Variants in ATRIP observed in about 807,000 individuals in gnomAD.
The protein encoded by ATRIP is ATR interacting protein.
Under a neutral mutation model 78.1 loss-of-function variants are expected in ATRIP, and 44 were observed. The observed-to-expected ratio is 0.56, with a 90% CI of 0.44 to 0.72. The LOEUF is 0.72. Among genes scored for constraint, ATRIP ranks in the 30% least tolerant of loss-of-function variants. The pLI, the probability that ATRIP is intolerant of heterozygous loss-of-function variation, is 0.00. For missense variants in ATRIP, 927 were observed against 980.2 expected (o/e 0.95, Z 0.72); for synonymous variants, 388 against 408.9 (o/e 0.95, Z 0.62).
intron 1 of ATRIP, among the ~76,000 whole-genome samples, chr3:48,447,757 T>G (rs929899359): frequency 3.9e-5 from 6 of 152,246 alleles, no homozygotes; most frequent in Admixed American, 3.3e-4. Context: ...CTCAACACGA[T>G]CATTTCCTGG....
intron 10 of ATRIP, 49 bp downstream of exon 10, chr3:48,464,181 G>A: frequency 7.0e-7 from 1 of 1,438,384 alleles, no homozygotes; most frequent in Non-Finnish European, 9.8e-7. Context: ...CCCATCCTAA[G>A]AACCAACAGA....
At chr3:48,464,444 T>C in intron 10 of ATRIP, 138 bp from the exon 11 acceptor site, 2 of 1,011,804 alleles carry the variant, frequency 2.0e-6, no homozygotes, top group Non-Finnish European at 3.0e-6. Flanking sequence ...CCTGGGAAGG[T>C]CCCACACCAC....
rs140833802 is a variant in ATRIP, at chr3:48,466,958, T to C, written c.*1404T>C. On this transcript the variant is annotated 3_prime_UTR_variant, in exon 13 of 13. Transcript: ENST00000320211. ...CAGCGCATGGGCGTCAATGTTTTGA[T>C]GACAACCTGGCCAACCTGCTCCTAG... The C allele has an allele frequency of 4.0e-5, 65 of 1,612,128 alleles. No individual in the cohort carries two copies. Among genetic ancestry groups the C allele is most frequent in the Non-Finnish European group, 4.7e-5 (56 of 1,180,044 alleles).
Position 48,467,559 on chromosome 3 carries a change from G to A in ATRIP, c.*2005G>A, listed in dbSNP as rs1472792293. ...GCTGGCCATCCTGACCTTGGCAGTA[G>A]CCACACTGTATGGACTATCCCTGGC... On this transcript the variant is annotated 3_prime_UTR_variant, in exon 13 of 13. Transcript: ENST00000320211. The A allele has an allele frequency of 5.0e-6, 8 of 1,613,836 alleles. No individual in the cohort carries two copies. Among genetic ancestry groups the A allele is most frequent in the Non-Finnish European group, 6.8e-6 (8 of 1,179,956 alleles).
intron 2 of ATRIP, chr3:48,450,436 G>C (rs538250510): frequency 8.9e-7 from 1 of 1,124,316 alleles, no homozygotes; most frequent in South Asian, 1.3e-5. Context: ...TGAATTTATA[G>C]CATGTATCTT....
chr3:48,465,713 C>G lies in ATRIP; in HGVS notation c.*159C>G. ...CGGAGTGGGAGGGGTGGAGCAGGAC[C>G]CGGACCCTGAGTGGCTGGGATCCTT... is the stretch of plus-strand genomic sequence containing the variant. On this transcript the variant is annotated 3_prime_UTR_variant, in exon 13 of 13. Transcript: ENST00000320211. The G allele has an allele frequency of 2.9e-6, 2 of 685,790 alleles. No homozygotes were observed. The highest frequency in any genetic ancestry group is 3.6e-5 in the South Asian group (2 of 55,744). 42.5% of individuals were successfully genotyped at this position (685,790 alleles called of 1,614,324 possible).
intron 2 of ATRIP, 50 bp from the exon 3 acceptor site, chr3:48,451,679 A>T: frequency 6.7e-7 from 1 of 1,490,412 alleles, no homozygotes. Flanking sequence ...CAAAGTACCT[A>T]AGTAGTTTTC....
At position 48,446,821 on chromosome 3, in the gene ATRIP, C is replaced by T; in HGVS notation, c.-25C>T. 5 of 1,386,118 alleles carry T rather than the reference C, an allele frequency of 3.6e-6. No individual in the cohort carries two copies. The highest frequency in any genetic ancestry group is 4.7e-6 in the Non-Finnish European group (5 of 1,069,132). 85.9% of individuals were successfully genotyped at this position (1,386,118 alleles called of 1,614,324 possible). On this transcript the variant is annotated 5_prime_UTR_variant, in exon 1 of 13. Transcript: ENST00000320211. ...GCAGGCAAGTCTAGCTCGGCGCTGT[C>T]GGATACTTGGGGTGAGCGGAAAGCA... is the stretch of plus-strand genomic sequence containing the variant.
intron 4 of ATRIP, among the ~76,000 whole-genome samples, chr3:48,455,499 T>G (rs1263772304): frequency 1.3e-5 from 2 of 151,026 alleles, no homozygotes; most frequent in Non-Finnish European, 3.0e-5. Flanking sequence ...TTGGAAGTCT[T>G]TTTTTTTTGA....
rs200223802 is a variant in ATRIP at position 48,460,455 on chromosome 3, A to G, written c.1401A>G (p.Ser467=). ...SSGVETNPED[S]VCILEGFSVT... ...GGGTAGAGACCAACCCTGAGGACTC[A>G]GTGTGCATCCTGGAAGGCTTCTCTG... Residue 467 remains serine (S), a synonymous_variant, in exon 8 of 13, where the codon TCA becomes TCG. Transcript: ENST00000320211. 1.2e-6 allele frequency: 2 copies of G among 1,611,148 alleles called. No individual in the cohort carries two copies. The highest frequency in any genetic ancestry group is 1.3e-5 in the African/African-American group (1 of 74,984).
intron 3 of ATRIP, 91 bp from the exon 4 acceptor site, chr3:48,454,209 T>C (rs1270714034): frequency 1.4e-6 from 1 of 726,928 alleles, no homozygotes. Context: ...TTTTTCATTG[T>C]TTGTCTTTTA....
In ATRIP at chr3:48,465,353, G is replaced by A. The variant is rs936150402; in HGVS notation, c.2309-134G>A. ...TTGCCTTTGTATCACTTTGTTTGCA[G>A]TAGCTGAGGGAGCAGGGCCTGGGTG... On this transcript the variant is annotated intron_variant, in intron 12 of 12. Transcript: ENST00000320211. 8.4e-6 allele frequency: 8 copies of A among 948,190 alleles called. No homozygotes were observed. The African/African-American group carries it at 1.3e-4, about 16-fold the overall frequency. 58.7% of individuals were successfully genotyped at this position (948,190 alleles called of 1,614,324 possible). A position where few individuals can be genotyped will look rare whatever the true frequency, so the allele number is the denominator to read the frequency against.
Position 48,446,777 on chromosome 3 carries a change from C to T in ATRIP, c.-69C>T, listed in dbSNP as rs140238210. 897 of 1,349,118 alleles carry T rather than the reference C, an allele frequency of 6.6e-4. 2 individuals carry two copies. Among genetic ancestry groups the T allele is most frequent in the Non-Finnish European group, 7.8e-4 (818 of 1,049,082 alleles). The allele number at this position is 1,349,118 out of a possible 1,614,324, so 83.6% of individuals were successfully genotyped here. A position where few individuals can be genotyped will look rare whatever the true frequency, so the allele number is the denominator to read the frequency against. Reference sequence around the variant, plus strand: ...AAGCGGCGGCGCGCGGACGGTTGGTCCAGTTCTCCGGCCTGGCGGCAGGCA... The same window carrying T: ...AAGCGGCGGCGCGCGGACGGTTGGTTCAGTTCTCCGGCCTGGCGGCAGGCA... On this transcript the variant is annotated 5_prime_UTR_variant, in exon 1 of 13. Transcript: ENST00000320211.
rs989302643 is a variant in ATRIP, at chr3:48,466,419, C to T, written c.*865C>T. On this transcript the variant is annotated 3_prime_UTR_variant, in exon 13 of 13. Coordinates refer to ENST00000320211, the MANE Select transcript of ATRIP (RefSeq NM_130384.3). ...GGGCCGAGTCATGTGAAGAGGGAGA[C>T]CCTCTCAGACAGTCGAATGTGCTGG... is the stretch of plus-strand genomic sequence containing the variant. The T allele has an allele frequency of 1.0e-5, 16 of 1,605,430 alleles. No homozygotes were observed. Among genetic ancestry groups the T allele is most frequent in the African/African-American group, 4.0e-5 (3 of 74,706 alleles).
intron 1 of ATRIP, among the ~76,000 whole-genome samples, chr3:48,448,910 G>C (rs997932234): frequency 6.6e-6 from 1 of 152,304 alleles, no homozygotes; most frequent in African/African-American, 2.4e-5. Flanking sequence ...TTTAAGCTCT[G>C]TGAGTGTAAG....
chr3:48,451,587 T>C, intron 2 of ATRIP, 142 bp from the exon 3 acceptor site: 1 of 655,998 alleles, frequency 1.5e-6, no homozygotes, highest in South Asian at 2.2e-5. Flanking sequence ...CATGGTGACA[T>C]CTGGTTGCTG....
intron 1 of ATRIP, chr3:48,447,589 G>C (rs1342566993): frequency 2.1e-6 from 2 of 953,180 alleles, no homozygotes; most frequent in Non-Finnish European, 2.5e-6. Context: ...CAAACGTGAG[G>C]AACTGCAGCT....
chr3:48,447,064 A>C lies in ATRIP; in HGVS notation c.219A>C (p.Gln73His). ...CCCTCGCGTCACAGGCCCTGAGCCA[A>C]TGTCCGGCCGCGGCTCGGGACGTGT... ...LDTLASQALSQCPAAARDVSS... is the reference protein window; with the variant it reads ...LDTLASQALSHCPAAARDVSS... The change falls in exon 1 of 13, where the codon CAA (glutamine) becomes CAC (histidine). Residue 73 changes from glutamine to histidine, a missense_variant. Coordinates refer to ENST00000320211, the MANE Select transcript of ATRIP (RefSeq NM_130384.3). The C allele has an allele frequency of 1.9e-6, 3 of 1,566,418 alleles. No individual in the cohort carries two copies. The highest frequency in any genetic ancestry group is 2.6e-6 in the Non-Finnish European group (3 of 1,159,514).
chr3:48,466,372 G>C lies in ATRIP; in HGVS notation c.*818G>C, dbSNP rs1198886957. 1 of 1,408,046 alleles carries C rather than the reference G, an allele frequency of 7.1e-7. No individual in the cohort carries two copies. The highest frequency in any genetic ancestry group is 1.4e-5 in the African/African-American group (1 of 70,332). 87.2% of individuals were successfully genotyped at this position (1,408,046 alleles called of 1,614,324 possible). On this transcript the variant is annotated 3_prime_UTR_variant, in exon 13 of 13. Coordinates refer to ENST00000320211, the MANE Select transcript of ATRIP (RefSeq NM_130384.3). ...GAGGGCCATGGGTTCCCCCACCCCA[G>C]ACTAAGGGGGCACTAGGGGAGGGGC... is the stretch of plus-strand genomic sequence containing the variant.
Sources: allele counts gnomAD v4.1 joint callset (sites outside exome capture counted in the v4.1 genomes callset), GRCh38; gene constraint gnomAD v4.1.1; transcripts MANE v1.5; gene names NCBI Gene and HGNC (gene_info 2026-07-23, HGNC 2026-07-21).